GRM5: variants seen among roughly 807,000 people sequenced by gnomAD.
GRM5 encodes the protein metabotropic glutamate receptor 5.
In GRM5, 19 loss-of-function variants were observed where a neutral mutation model predicts 83.1. That is an observed-to-expected ratio of 0.23 (90% CI 0.16 to 0.34). GRM5 has a LOEUF of 0.34. Among genes scored for constraint, GRM5 ranks in the 10% least tolerant of loss-of-function variants. GRM5 has a pLI of 1.00. For synonymous variants in GRM5, 675 were observed against 633.6 expected, an observed-to-expected ratio of 1.07 and a Z score of -0.98; for missense variants, 1,160 against 1,588.3, an observed-to-expected ratio of 0.73 and a Z score of 4.58.
At chr11:88,884,043 G>A (rs1281883132) in intron 2 of GRM5, among the ~76,000 whole-genome samples, 2 of 152,118 alleles carry the variant, frequency 1.3e-5, no homozygotes, top group Non-Finnish European at 2.9e-5. Flanking sequence ...CTAGGGCACT[G>A]CCTAGTGGAA....
At chr11:88,723,536 T>C (rs916449114) in intron 3 of GRM5, among the ~76,000 whole-genome samples, 4 of 152,128 alleles carry the variant, frequency 2.6e-5, no homozygotes, top group African/African-American at 4.8e-5. Context: ...CCATGCTTTT[T>C]TTCTTGCTTG....
chr11:88,531,225 A>G (rs1942000532), intron 8 of GRM5, among the ~76,000 whole-genome samples: 1 of 152,090 alleles, frequency 6.6e-6, no homozygotes, highest in Admixed American at 6.6e-5. Context: ...AAGAAACTTT[A>G]CTTGAGAGAG....
chr11:88,732,544 C>T (rs921430952), intron 3 of GRM5, among the ~76,000 whole-genome samples: 1 of 151,930 alleles, frequency 6.6e-6, no homozygotes, highest in South Asian at 2.1e-4. Context: ...TAAATAAAAT[C>T]GCCTTATTTT....
intron 2 of GRM5, among the ~76,000 whole-genome samples, chr11:88,937,582 G>C (rs964009170): frequency 6.6e-6 from 1 of 151,682 alleles, no homozygotes; most frequent in African/African-American, 2.4e-5. Flanking sequence ...ACAAAATACA[G>C]TCTTTTAACT....
chr11:88,651,064 A>G (rs535447811), intron 4 of GRM5, among the ~76,000 whole-genome samples: 2 of 152,130 alleles, frequency 1.3e-5, no homozygotes, highest in South Asian at 2.1e-4. Flanking sequence ...TAAAGAACAG[A>G]TTCTGAGCAG....
chr11:88,827,047 T>A (rs1590889400), intron 3 of GRM5, among the ~76,000 whole-genome samples: 2 of 152,200 alleles, frequency 1.3e-5, no homozygotes, highest in African/African-American at 4.8e-5. Flanking sequence ...GTATTTTTTT[T>A]AAACAGCACC....
At chr11:88,629,578 T>C (rs1480569290) in intron 4 of GRM5, among the ~76,000 whole-genome samples, 4 of 152,054 alleles carry the variant, frequency 2.6e-5, no homozygotes, top group African/African-American at 9.7e-5. Context: ...CCAGCTCCAC[T>C]TCCCTATTTC....
chr11:89,060,282 AT>A (rs1941964127), intron 1 of GRM5, among the ~76,000 whole-genome samples: 1 of 137,810 alleles, frequency 7.3e-6, no homozygotes, highest in Non-Finnish European at 1.7e-5. Flanking sequence ...ATATATATAT[AT>A]ATACACACAC....
At chr11:88,571,787 A>T (rs1171527881) in intron 7 of GRM5, among the ~76,000 whole-genome samples, 1 of 152,142 alleles carries the variant, frequency 6.6e-6, no homozygotes, top group East Asian at 1.9e-4. Flanking sequence ...AAAATATATC[A>T]TCTCAAGGGC....
intron 3 of GRM5, among the ~76,000 whole-genome samples, chr11:88,809,133 A>C (rs1049901383): frequency 6.6e-6 from 1 of 152,062 alleles, no homozygotes; most frequent in Admixed American, 6.6e-5. Flanking sequence ...CAACTGATTC[A>C]AATTAAGAAC....
chr11:88,760,427 A>G (rs754120695), intron 3 of GRM5, among the ~76,000 whole-genome samples: 4 of 152,124 alleles, frequency 2.6e-5, no homozygotes, highest in Non-Finnish European at 5.9e-5. Flanking sequence ...AATATTGTGA[A>G]TGCCTCTATG....
intron 3 of GRM5, among the ~76,000 whole-genome samples, chr11:88,765,395 GAAAAA>G (rs58232495): frequency 0.04 from 4,893 of 123,288 alleles, 149 homozygotes; most frequent in African/African-American, 0.1. Context: ...AAGACAATTT[GAAAAA>G]AAAAAAAAAA....
intron 3 of GRM5, among the ~76,000 whole-genome samples, chr11:88,808,912 A>G (rs1943541937): frequency 6.6e-6 from 1 of 152,016 alleles, no homozygotes; most frequent in African/African-American, 2.4e-5. Flanking sequence ...ATGAGAAATA[A>G]TTGTTTGGCA....
At chr11:89,029,861 G>A (rs1266546693) in intron 2 of GRM5, among the ~76,000 whole-genome samples, 4 of 152,178 alleles carry the variant, frequency 2.6e-5, no homozygotes, top group African/African-American at 9.7e-5. Flanking sequence ...TAGACACTAA[G>A]GAATGCTGGG....
intron 3 of GRM5, among the ~76,000 whole-genome samples, chr11:88,816,219 C>CA (rs1183223330): frequency 0.027 from 1,225 of 44,698 alleles, 57 homozygotes; most frequent in Non-Finnish European, 0.033. Context: ...GACTCCGTCT[C>CA]AAAAAAAAAA....
intron 2 of GRM5, among the ~76,000 whole-genome samples, chr11:89,016,470 A>G (rs1461845161): frequency 6.6e-6 from 1 of 152,120 alleles, no homozygotes; most frequent in Non-Finnish European, 1.5e-5. Flanking sequence ...AGTCTTATAG[A>G]AAGAAATTAA....
At chr11:89,040,223 T>C (rs1941496971) in intron 2 of GRM5, among the ~76,000 whole-genome samples, 1 of 152,156 alleles carries the variant, frequency 6.6e-6, no homozygotes, top group African/African-American at 2.4e-5. Context: ...GTTATCTTAC[T>C]TTTAGCACAG....
intron 3 of GRM5, among the ~76,000 whole-genome samples, chr11:88,762,909 C>T (rs956766155): frequency 1.3e-5 from 2 of 151,894 alleles, no homozygotes; most frequent in Non-Finnish European, 2.9e-5. Context: ...CCTTAGCCAA[C>T]TAACACAGGA....
At chr11:88,608,715 T>A (rs1483598276) in intron 4 of GRM5, among the ~76,000 whole-genome samples, 3 of 151,722 alleles carry the variant, frequency 2.0e-5, no homozygotes, top group Admixed American at 6.6e-5. Context: ...AGAGACGGGG[T>A]TTCACCATGT....
Sources: allele counts gnomAD v4.1 joint callset (sites outside exome capture counted in the v4.1 genomes callset), GRCh38; gene constraint gnomAD v4.1.1; transcripts MANE v1.5; gene names NCBI Gene and HGNC (gene_info 2026-07-23, HGNC 2026-07-21).